Variants in ZNF333 observed in about 807,000 individuals in gnomAD.
ZNF333 encodes zinc finger protein 333.
Under a neutral mutation model 76.1 loss-of-function variants are expected in ZNF333, and 61 were observed. That is an observed-to-expected ratio of 0.80 (90% confidence interval 0.65 to 0.99). The LOEUF (loss-of-function observed/expected upper bound fraction) is 0.99, where lower values mean the gene tolerates loss of function less well. Among genes scored for constraint, ZNF333 ranks in the 50% least tolerant of loss-of-function variants. The pLI, the probability that ZNF333 is intolerant of heterozygous loss-of-function variation, is 0.00. For missense variants in ZNF333, 717 were observed against 822.4 expected, an observed-to-expected ratio of 0.87 and a Z score of 1.57; for synonymous variants, 284 against 305.0, an observed-to-expected ratio of 0.93 and a Z score of 0.72.
At chr19:14,715,069 A>G (rs530156050) in intron 7 of ZNF333, 80 of 262,072 alleles carry the variant, frequency 3.1e-4, no homozygotes, top group Middle Eastern at 1.4e-3. Context: ...GTGCACGTCT[A>G]TATGTCTCTT....
intron 2 of ZNF333, among the ~76,000 whole-genome samples, chr19:14,694,202 G>A (rs1452945460): frequency 6.6e-6 from 1 of 152,194 alleles, no homozygotes; most frequent in East Asian, 1.9e-4. Context: ...GCCGGGCGTG[G>A]TGGCTCATGC....
At chr19:14,718,084 ACT>A in intron 11 of ZNF333, 142 bp from the exon 12 acceptor site, 1 of 1,157,676 alleles carries the variant, frequency 8.6e-7, no homozygotes, top group South Asian at 1.7e-5. Context: ...ACTTGAAGGA[ACT>A]CTGGATAGAA....
chr19:14,701,859 AG>A, intron 5 of ZNF333: 1 of 985,546 alleles, frequency 1.0e-6, no homozygotes, highest in Non-Finnish European at 1.2e-6. Flanking sequence ...GAAGCTGAGG[AG>A]TTCATCCCTG....
chr19:14,708,595 G>T, intron 7 of ZNF333: 1 of 374,822 alleles, frequency 2.7e-6, no homozygotes, highest in African/African-American at 2.1e-5. Flanking sequence ...TGCTGATAAT[G>T]GGCCTGTTCA....
At chr19:14,706,975 G>C in intron 7 of ZNF333, 2 of 520,740 alleles carry the variant, frequency 3.8e-6, no homozygotes, top group Non-Finnish European at 6.7e-6. Flanking sequence ...TTAAGAAAGA[G>C]AGGGCTCACT....
chr19:14,729,864 G>A (rs559106858), intron 11 of ZNF333, among the ~76,000 whole-genome samples: 17 of 152,172 alleles, frequency 1.1e-4, no homozygotes, highest in Non-Finnish European at 2.4e-4. Context: ...TAAACATCAT[G>A]TTGCTCTTGA....
intron 9 of ZNF333, 147 bp from the exon 10 acceptor site, chr19:14,716,847 G>T: frequency 1.5e-6 from 1 of 647,330 alleles, no homozygotes; most frequent in Non-Finnish European, 2.6e-6. Context: ...GTTGCTCAGT[G>T]GAAGAGTTTG....
rs2042593145 is a variant in ZNF333 at position 14,721,887 on chromosome 19, T to A, written c.*2562T>A. ...TTATGAATAAAGCTGCTGTGAATGT[T>A]CTTGTTAAGTCATACTGTGGACATA... On this transcript the variant is annotated 3_prime_UTR_variant, in exon 12 of 12. Coordinates refer to ENST00000292530, the MANE Select transcript of ZNF333 (RefSeq NM_032433.4). 3 of 152,244 alleles carry A rather than the reference T, an allele frequency of 2.0e-5. No homozygotes were observed. The highest frequency in any genetic ancestry group is 1.3e-4 in the Admixed American group (2 of 15,290). 9.4% of individuals were successfully genotyped at this position (152,244 alleles called of 1,614,324 possible). A position where few individuals can be genotyped will look rare whatever the true frequency, so the allele number is the denominator to read the frequency against.
At chr19:14,714,093 AG>A (rs1490159890) in intron 7 of ZNF333, among the ~76,000 whole-genome samples, 1 of 152,000 alleles carries the variant, frequency 6.6e-6, no homozygotes, top group East Asian at 1.9e-4. Flanking sequence ...AGCAAGTGGG[AG>A]GGGAGGAAGT....
chr19:14,731,079 G>A lies in ZNF333; in HGVS notation c.901-96G>A, dbSNP rs58250448. 7,194 of 1,059,924 alleles carry A rather than the reference G, an allele frequency of 6.8e-3. 384 individuals carry two copies. In the African/African-American group the frequency reaches 0.1, roughly 15 times the overall value. 65.7% of individuals were successfully genotyped at this position (1,059,924 alleles called of 1,614,324 possible). Reference sequence around the variant, plus strand: ...ACATGCTGCCCTGGTCTCAAGCACCGCCCCTCCTGCCCCCTCCCCCCAAGG... The same window carrying A: ...ACATGCTGCCCTGGTCTCAAGCACCACCCCTCCTGCCCCCTCCCCCCAAGG... On this transcript the variant is annotated intron_variant, in intron 11 of 11. Transcript: ENST00000540689.
rs978765394 is a variant in ZNF333, at chr19:14,707,712, C to T, written c.511+939C>T. On this transcript the variant is annotated intron_variant, in intron 7 of 11. Transcript: ENST00000292530. ...GATTACAGGCGCCCACCACCACGCC[C>T]GGCTAATTTTTTGTATTTTTAGTAG... Among the ~76,000 whole-genome samples the T allele has an allele frequency of 4.0e-5, 6 of 151,120 alleles. No homozygotes were observed. In the East Asian group the frequency reaches 5.9e-4, roughly 15 times the overall value.
intron 5 of ZNF333, among the ~76,000 whole-genome samples, chr19:14,702,952 C>T (rs992710964): frequency 6.6e-6 from 1 of 151,976 alleles, no homozygotes; most frequent in Non-Finnish European, 1.5e-5. Flanking sequence ...CACCTGTAAT[C>T]CCAGCACTTT....
At chr19:14,728,530 C>A (rs2042647993) in intron 11 of ZNF333, among the ~76,000 whole-genome samples, 1 of 152,108 alleles carries the variant, frequency 6.6e-6, no homozygotes, top group South Asian at 2.1e-4. Context: ...TTTCTTGAAG[C>A]ACATCACTTA....
chr19:14,701,870 G>A, intron 5 of ZNF333: 1 of 985,568 alleles, frequency 1.0e-6, no homozygotes, highest in Non-Finnish European at 1.2e-6. Context: ...GTTCATCCCT[G>A]AAGACATCCA....
exon 12 of ZNF333, chr19:14,731,355 GGGCTCCTTAACTTCC>G: frequency 1.5e-6 from 1 of 661,958 alleles, no homozygotes; most frequent in South Asian, 2.0e-5. Context: ...CGTGACATCC[GGGCTCCTTAACTTCC>G]GGCTTCCGGG....
intron 7 of ZNF333, chr19:14,707,086 G>T (rs1414998306): frequency 1.0e-5 from 3 of 288,978 alleles, no homozygotes; most frequent in Non-Finnish European, 1.9e-5. Flanking sequence ...ACTAGAAATG[G>T]CCTGTGTTTT....
chr19:14,724,027 G>A (rs1458345223), downstream of ZNF333, among the ~76,000 whole-genome samples: 1 of 152,154 alleles, frequency 6.6e-6, no homozygotes, highest in African/African-American at 2.4e-5. Flanking sequence ...CAGTTGCTAT[G>A]CTCTTGCCTA....
chr19:14,721,255 G>A lies in ZNF333; in HGVS notation c.*1930G>A, dbSNP rs992817411. On this transcript the variant is annotated 3_prime_UTR_variant, in exon 12 of 12. Transcript: ENST00000292530. ...CTCTCTCTACAGTGGCAGACCCAGG[G>A]GACTAGTCTCCATTTTTACTTGTTC... The A allele has an allele frequency of 6.6e-6, 1 of 150,434 alleles. No individual in the cohort carries two copies. The highest frequency in any genetic ancestry group is 6.7e-5 in the Admixed American group (1 of 15,008). The allele number at this position is 150,434 out of a possible 1,614,324, so 9.3% of individuals were successfully genotyped here. A position where few individuals can be genotyped will look rare whatever the true frequency, so the allele number is the denominator to read the frequency against.
intron 7 of ZNF333, among the ~76,000 whole-genome samples, chr19:14,714,426 T>A (rs1292211222): frequency 1.3e-5 from 2 of 151,914 alleles, no homozygotes; most frequent in Non-Finnish European, 2.9e-5. Context: ...GAGCCCCAAG[T>A]GTCGATGGCC....
Sources: gnomAD v4.1 joint callset for allele counts (sites outside exome capture counted in the v4.1 genomes callset) on GRCh38, gnomAD v4.1.1 for gene constraint, MANE v1.5 for transcripts, NCBI Gene and HGNC (gene_info 2026-07-23, HGNC 2026-07-21) for gene names.